NAALADL2: variants seen among roughly 807,000 people sequenced by gnomAD.
NAALADL2 encodes the protein N-acetylated alpha-linked acidic dipeptidase like 2, also known as inactive N-acetylated-alpha-linked acidic dipeptidase-like protein 2.
A neutral mutation model predicts 87.2 loss-of-function variants in NAALADL2; 76 were observed. The ratio of observed to expected loss-of-function variants is 0.87; its 90% CI spans 0.72 to 1.05. The LOEUF (loss-of-function observed/expected upper bound fraction) is 1.05, where lower values mean the gene tolerates loss of function less well. Among genes scored for constraint, NAALADL2 ranks in the 50% least tolerant of loss-of-function variants. The probability of loss-of-function intolerance (pLI) is 0.00; values close to 1 mark genes in which losing one functional copy is unlikely to be tolerated. For synonymous variants in NAALADL2, 354 were observed against 331.0 expected, an observed-to-expected ratio of 1.07 and a Z score of -0.75; for missense variants, 1,089 against 945.8, an observed-to-expected ratio of 1.15 and a Z score of -1.99.
intron 9 of NAALADL2, among the ~76,000 whole-genome samples, chr3:175,563,437 T>G (rs1716602013): frequency 6.6e-6 from 1 of 152,210 alleles, no homozygotes; most frequent in Non-Finnish European, 1.5e-5. Context: ...TTCATAAAAC[T>G]ACCTGAGGTC....
At chr3:174,764,238 C>T (rs1399788262) in intron 3 of NAALADL2, among the ~76,000 whole-genome samples, 1 of 152,238 alleles carries the variant, frequency 6.6e-6, no homozygotes, top group Admixed American at 6.5e-5. Flanking sequence ...TGTACCTGTA[C>T]TGCAGTTCAT....
intron 1 of NAALADL2, among the ~76,000 whole-genome samples, chr3:174,873,294 G>A (rs538323175): frequency 1.4e-4 from 21 of 149,568 alleles, no homozygotes; most frequent in Admixed American, 4.7e-4. Context: ...TCGCTCTGTC[G>A]CCCAGGCTGG....
chr3:175,755,042 C>T (rs1365467941), intron 12 of NAALADL2, among the ~76,000 whole-genome samples, 178 bp from the exon 13 acceptor site: 1 of 152,230 alleles, frequency 6.6e-6, no homozygotes, highest in South Asian at 2.1e-4. Flanking sequence ...GATTCAAACA[C>T]ATATACCCTT....
chr3:174,925,866 T>C (rs1258947761), intron 1 of NAALADL2, among the ~76,000 whole-genome samples: 1 of 152,138 alleles, frequency 6.6e-6, no homozygotes, highest in East Asian at 1.9e-4. Flanking sequence ...AGAATGACTT[T>C]GACGAGTTGA....
intron 1 of NAALADL2, among the ~76,000 whole-genome samples, chr3:174,863,358 A>G (rs1226803437): frequency 1.3e-5 from 2 of 152,042 alleles, no homozygotes; most frequent in Non-Finnish European, 2.9e-5. Context: ...TCTTGAAAGC[A>G]TTGTCGAGTA....
chr3:174,836,708 C>CAAAAA (rs36091749), intron 3 of NAALADL2, among the ~76,000 whole-genome samples: 29 of 65,362 alleles, frequency 4.4e-4, no homozygotes, highest in African/African-American at 6.3e-4. Context: ...GACTCCGTCT[C>CAAAAA]AAAAAAAAAA....
chr3:174,588,300 G>T (rs1578238850), intron 2 of NAALADL2, among the ~76,000 whole-genome samples: 1 of 152,034 alleles, frequency 6.6e-6, no homozygotes. Context: ...TAGCTTCTTT[G>T]TGATGGGTTC....
intron 3 of NAALADL2, among the ~76,000 whole-genome samples, chr3:174,770,889 T>A (rs1490824741): frequency 1.3e-5 from 2 of 152,124 alleles, no homozygotes; most frequent in Non-Finnish European, 2.9e-5. Context: ...ATTTTTTATT[T>A]CAATTGTTTA....
chr3:175,202,043 CTATT>C (rs913411443), intron 2 of NAALADL2, among the ~76,000 whole-genome samples: 16 of 151,978 alleles, frequency 1.1e-4, no homozygotes, highest in African/African-American at 3.9e-4. Flanking sequence ...AAGGTCATTA[CTATT>C]TATTTTTTTT....
intron 1 of NAALADL2, among the ~76,000 whole-genome samples, chr3:174,924,950 T>C (rs529378047): frequency 1.3e-5 from 2 of 152,236 alleles, no homozygotes; most frequent in African/African-American, 4.8e-5. Context: ...GTTTAAGTTC[T>C]TTGTAGATTC....
At chr3:174,579,973 A>G (rs1052473919) in intron 2 of NAALADL2, among the ~76,000 whole-genome samples, 4 of 151,926 alleles carry the variant, frequency 2.6e-5, no homozygotes, top group South Asian at 2.1e-4. Flanking sequence ...AGTGAGAGGG[A>G]AAAAAAATAA....
chr3:175,295,015 A>G (rs1430159189), intron 4 of NAALADL2, among the ~76,000 whole-genome samples: 1 of 152,196 alleles, frequency 6.6e-6, no homozygotes, highest in Non-Finnish European at 1.5e-5. Flanking sequence ...TAAGATGTGA[A>G]TAGATACTAA....
chr3:174,666,834 C>T (rs1725997647), intron 2 of NAALADL2, among the ~76,000 whole-genome samples: 1 of 152,114 alleles, frequency 6.6e-6, no homozygotes, highest in Admixed American at 6.6e-5. Flanking sequence ...CAACAACTTT[C>T]ATTTTCTACA....
chr3:175,502,776 A>T lies in NAALADL2; in HGVS notation c.1653+31018A>T, dbSNP rs186289117. ...GGATATGTCTATTCATTCTTGTCCCACCACTGTAGTTTGAACATAGGTTTA... is the reference window on the plus strand; with the variant it reads ...GGATATGTCTATTCATTCTTGTCCCTCCACTGTAGTTTGAACATAGGTTTA... On this transcript the variant is annotated intron_variant, in intron 9 of 13. Coordinates refer to ENST00000454872, the MANE Select transcript of NAALADL2 (RefSeq NM_207015.3). 1.9e-3 allele frequency among the ~76,000 whole-genome samples: 290 copies of T among 152,166 alleles called. 1 individual carries two copies. Among genetic ancestry groups the T allele is most frequent in the African/African-American group, 5.8e-3 (242 of 41,530 alleles).
chr3:175,280,012 T>A (rs1754083458), intron 4 of NAALADL2, among the ~76,000 whole-genome samples: 1 of 146,528 alleles, frequency 6.8e-6, no homozygotes, highest in Non-Finnish European at 1.5e-5. Flanking sequence ...TGGAAAGTTG[T>A]CTTTTCCTTT....
At chr3:174,790,736 A>G (rs183596403) in intron 3 of NAALADL2, among the ~76,000 whole-genome samples, 2 of 152,326 alleles carry the variant, frequency 1.3e-5, no homozygotes, top group East Asian at 3.9e-4. Context: ...GTGTGTAGAA[A>G]AATAATAAGT....
intron 1 of NAALADL2, among the ~76,000 whole-genome samples, chr3:174,475,834 TGTG>T (rs1717178041): frequency 6.6e-6 from 1 of 151,858 alleles, no homozygotes; most frequent in African/African-American, 2.4e-5. Flanking sequence ...TATTGGGCCT[TGTG>T]GTAGTTGTGG....
intron 1 of NAALADL2, among the ~76,000 whole-genome samples, chr3:174,981,706 T>C (rs962570499): frequency 2.0e-5 from 3 of 152,048 alleles, no homozygotes; most frequent in African/African-American, 7.2e-5. Context: ...ACTTAAAATA[T>C]TTTTTTTCTT....
At chr3:175,481,504 G>C (rs1027119907) in intron 9 of NAALADL2, among the ~76,000 whole-genome samples, 1 of 151,686 alleles carries the variant, frequency 6.6e-6, no homozygotes, top group East Asian at 1.9e-4. Flanking sequence ...ACTCGTGCTG[G>C]TGTAAAATGG....
Sources: gnomAD v4.1 joint callset for allele counts (sites outside exome capture counted in the v4.1 genomes callset) on GRCh38, gnomAD v4.1.1 for gene constraint, MANE v1.5 for transcripts, NCBI Gene and HGNC (gene_info 2026-07-23, HGNC 2026-07-21) for gene names.